Variants in SLAMF1 observed in about 807,000 individuals in gnomAD.
SLAMF1 encodes the protein signaling lymphocytic activation molecule.
Under a neutral mutation model 35.1 loss-of-function variants are expected in SLAMF1, and 18 were observed. The ratio of observed to expected loss-of-function variants is 0.51; its 90% CI spans 0.35 to 0.76. The LOEUF (loss-of-function observed/expected upper bound fraction) is 0.76, where lower values mean the gene tolerates loss of function less well. Ranked by LOEUF, SLAMF1 falls within the 30% of genes least tolerant of loss-of-function variation. The pLI, the probability that SLAMF1 is intolerant of heterozygous loss-of-function variation, is 0.01. For missense variants in SLAMF1, 392 were observed against 413.0 expected (o/e 0.95, Z 0.44); for synonymous variants, 168 against 157.2 (o/e 1.07, Z -0.51).
chr1:160,623,912 G>A (rs978391521), intron 4 of SLAMF1, among the ~76,000 whole-genome samples, 184 bp downstream of exon 4: 1 of 152,078 alleles, frequency 6.6e-6, no homozygotes, highest in African/African-American at 2.4e-5. Context: ...CTAGTAGAGG[G>A]GATCAAGACA....
chr1:160,610,240 T>G lies in SLAMF1; in HGVS notation c.*508A>C, dbSNP rs1465168916. 5 of 456,358 alleles carry G rather than the reference T, an allele frequency of 1.1e-5. No individual in the cohort carries two copies. The highest frequency in any genetic ancestry group is 2.2e-5 in the Non-Finnish European group (5 of 226,902). 28.3% of individuals were successfully genotyped at this position (456,358 alleles called of 1,614,324 possible). A position where few individuals can be genotyped will look rare whatever the true frequency, so the allele number is the denominator to read the frequency against. On this transcript the variant is annotated 3_prime_UTR_variant, in exon 7 of 7. Coordinates refer to ENST00000302035, the MANE Select transcript of SLAMF1 (RefSeq NM_003037.5). ...TTCACCCTTCAGCCTCTATTCACTC[T>G]TTATCCTGAGAGAGAAACTGAGGCA...
At chr1:160,621,993 A>G (rs1659639211) in intron 4 of SLAMF1, among the ~76,000 whole-genome samples, 2 of 152,064 alleles carry the variant, frequency 1.3e-5, no homozygotes, top group Admixed American at 1.3e-4. Context: ...GCACTCTCCT[A>G]GGTGCTGTAG....
intron 3 of SLAMF1, 154 bp downstream of exon 3, chr1:160,634,459 T>C (rs1660319445): frequency 1.1e-6 from 1 of 946,308 alleles, no homozygotes; most frequent in Non-Finnish European, 1.3e-6. Context: ...GAGAGTGAGC[T>C]CACTAAATGC....
rs539846173 is a variant in SLAMF1, at chr1:160,617,471, G to A, written c.864+2305C>T. Among the ~76,000 whole-genome samples the A allele has an allele frequency of 4.3e-4, 65 of 152,064 alleles. 1 individual carries two copies. Among genetic ancestry groups the A allele is most frequent in the South Asian group, 8.3e-4 (4 of 4,824 alleles). On this transcript the variant is annotated intron_variant, in intron 5 of 6. Transcript: ENST00000302035. Reference sequence around the variant, plus strand: ...TAAATAAACTCTAGTATATTCATACGTTTATATTCTATGAAGCAATGAAAA... The same window carrying A: ...TAAATAAACTCTAGTATATTCATACATTTATATTCTATGAAGCAATGAAAA...
intron 1 of SLAMF1, among the ~76,000 whole-genome samples, chr1:160,639,319 G>A (rs769637205): frequency 1.1e-4 from 16 of 151,826 alleles, no homozygotes; most frequent in African/African-American, 3.4e-4. Flanking sequence ...TCTGCCTCCC[G>A]GGCTCAAGCA....
chr1:160,641,236 A>G (rs1047442302), intron 1 of SLAMF1, among the ~76,000 whole-genome samples: 1 of 152,210 alleles, frequency 6.6e-6, no homozygotes, highest in African/African-American at 2.4e-5. Context: ...AAGATTAAAA[A>G]TTGCTAGCGT....
chr1:160,624,178 T>C lies in SLAMF1; in HGVS notation c.708A>G (p.Lys236=). 2.5e-6 allele frequency: 4 copies of C among 1,606,138 alleles called. No individual in the cohort carries two copies. The highest frequency in any genetic ancestry group is 3.4e-6 in the Non-Finnish European group (4 of 1,176,906). The change falls in exon 4 of 7, where the codon AAA becomes AAG. Residue 236 remains lysine (K), a synonymous_variant. Transcript: ENST00000302035. ...ACAGCCCAGCATACACTGCCCATGG[T>C]TTTGTTTCTGGAAAAAAAAAGAAGT... The part of the protein sequence containing the change: ...PGCRTDPSET[K]PWAVYAGLLG...
chr1:160,629,184 C>T (rs1660038563), intron 3 of SLAMF1, among the ~76,000 whole-genome samples: 1 of 152,140 alleles, frequency 6.6e-6, no homozygotes, highest in Non-Finnish European at 1.5e-5. Flanking sequence ...GGGCCCTCTC[C>T]ACCTATTGTC....
intron 1 of SLAMF1, among the ~76,000 whole-genome samples, chr1:160,639,518 T>C (rs1013670289): frequency 3.9e-5 from 6 of 152,188 alleles, no homozygotes; most frequent in Admixed American, 3.3e-4. Flanking sequence ...TGAGCCACTG[T>C]GCCCAGCCAT....
intron 1 of SLAMF1, among the ~76,000 whole-genome samples, chr1:160,644,192 A>G (rs1010459951): frequency 2.0e-5 from 3 of 152,122 alleles, no homozygotes; most frequent in Non-Finnish European, 4.4e-5. Flanking sequence ...ATATTTTTCA[A>G]TTATAGATAG....
At chr1:160,640,199 C>G (rs1489001352) in intron 1 of SLAMF1, among the ~76,000 whole-genome samples, 1 of 151,394 alleles carries the variant, frequency 6.6e-6, no homozygotes, top group Non-Finnish European at 1.5e-5. Context: ...ATTTTGACCC[C>G]AAGACCTACA....
At chr1:160,624,597 G>A (rs1025805926) in intron 3 of SLAMF1, among the ~76,000 whole-genome samples, 1 of 152,106 alleles carries the variant, frequency 6.6e-6, no homozygotes, top group African/African-American at 2.4e-5. Context: ...GTGAATTCAC[G>A]CTATTCTCAT....
intron 2 of SLAMF1, chr1:160,636,889 T>C (rs901393938): frequency 2.3e-5 from 8 of 354,738 alleles, no homozygotes; most frequent in Admixed American, 2.2e-4. Context: ...AAATATTACT[T>C]GCAAACCAAG....
At chr1:160,613,388 T>C (rs1659104541) in intron 5 of SLAMF1, among the ~76,000 whole-genome samples, 1 of 152,220 alleles carries the variant, frequency 6.6e-6, no homozygotes, top group African/African-American at 2.4e-5. Flanking sequence ...CACAGAACAG[T>C]ATTGGACACA....
chr1:160,632,249 G>C (rs997905623), intron 3 of SLAMF1, among the ~76,000 whole-genome samples: 3 of 152,174 alleles, frequency 2.0e-5, no homozygotes, highest in South Asian at 2.1e-4. Context: ...ATCAAGGACT[G>C]TCTACTCTGG....
intron 1 of SLAMF1, among the ~76,000 whole-genome samples, chr1:160,640,648 T>A (rs1160283298): frequency 2.6e-5 from 4 of 151,874 alleles, no homozygotes; most frequent in African/African-American, 9.7e-5. Context: ...GTCACCAAAA[T>A]ACCCCGAAAT....
At chr1:160,628,159 G>A (rs776221162) in intron 3 of SLAMF1, among the ~76,000 whole-genome samples, 46 of 152,178 alleles carry the variant, frequency 3.0e-4, no homozygotes, top group Admixed American at 2.6e-3. Context: ...GGATGAGAGC[G>A]GACTAATACA....
chr1:160,634,900 G>T lies in SLAMF1; in HGVS notation c.416-3C>A. ...AATTTCTGGAGTGGAGACCTGCTCT[G>T]TCAGGAGTGGGAGGAAGGGAGCCAT... On this transcript the variant is annotated splice_polypyrimidine_tract_variant and splice_region_variant and intron_variant, in intron 2 of 6. Coordinates refer to ENST00000302035, the MANE Select transcript of SLAMF1 (RefSeq NM_003037.5). The T allele has an allele frequency of 6.2e-7, 1 of 1,603,516 alleles. No individual in the cohort carries two copies. The highest frequency in any genetic ancestry group is 8.5e-7 in the Non-Finnish European group (1 of 1,172,476).
intron 3 of SLAMF1, 128 bp from the exon 4 acceptor site, chr1:160,624,313 T>G (rs1659767775): frequency 6.9e-6 from 5 of 723,136 alleles, no homozygotes; most frequent in Admixed American, 2.8e-5. Flanking sequence ...GACGTTTGTT[T>G]TCATGGTTTT....
Sources: allele counts gnomAD v4.1 joint callset (sites outside exome capture counted in the v4.1 genomes callset), GRCh38; gene constraint gnomAD v4.1.1; transcripts MANE v1.5; gene names NCBI Gene and HGNC (gene_info 2026-07-23, HGNC 2026-07-21).